The following APBA2 variants were observed in gnomAD, a reference collection of about 807,000 sequenced individuals.
APBA2 encodes the protein amyloid beta precursor protein binding family A member 2.
APBA2 carries 30 observed loss-of-function variants against 75.0 expected under a neutral mutation model. The observed-to-expected ratio is 0.40, with a 90% CI of 0.30 to 0.54. The LOEUF (loss-of-function observed/expected upper bound fraction) is 0.54. APBA2 is among the 20% of genes least tolerant of loss of function. The pLI is 0.49. For missense variants in APBA2, 801 were observed against 1,016.1 expected (o/e 0.79, Z 2.88); for synonymous variants, 444 against 409.6 (o/e 1.08, Z -1.01).
chr15:28,945,058 C>T (rs2035465723), intron 2 of APBA2, among the ~76,000 whole-genome samples: 1 of 152,224 alleles, frequency 6.6e-6, no homozygotes, highest in South Asian at 2.1e-4. Context: ...GAGCCTGATG[C>T]TTCTTCCCAG....
chr15:28,943,403 A>T (rs1178014881), intron 2 of APBA2, among the ~76,000 whole-genome samples: 5 of 152,232 alleles, frequency 3.3e-5, no homozygotes, highest in Non-Finnish European at 1.5e-5. Flanking sequence ...GGACCTGTCC[A>T]TGCCATCTCC....
intron 2 of APBA2, among the ~76,000 whole-genome samples, chr15:28,938,559 A>G (rs947071175): frequency 4.6e-5 from 7 of 152,156 alleles, no homozygotes; most frequent in Non-Finnish European, 8.8e-5. Context: ...CCCAGGCTGG[A>G]GTGCAGGGGT....
intron 8 of APBA2, among the ~76,000 whole-genome samples, chr15:29,098,110 A>G (rs899445724): frequency 7.9e-5 from 12 of 152,174 alleles, no homozygotes; most frequent in African/African-American, 2.7e-4. Flanking sequence ...TGCCGTGAGC[A>G]TGGGAGTGCA....
chr15:28,988,518 C>A (rs1435674478), intron 2 of APBA2, among the ~76,000 whole-genome samples: 1 of 152,158 alleles, frequency 6.6e-6, no homozygotes, highest in East Asian at 1.9e-4. Context: ...CCTACCTTGG[C>A]CTCCCAAAAT....
intron 2 of APBA2, among the ~76,000 whole-genome samples, chr15:28,975,468 A>G (rs2037287786): frequency 6.6e-6 from 1 of 152,186 alleles, no homozygotes; most frequent in Middle Eastern, 3.2e-3. Flanking sequence ...AAAAGATAAA[A>G]TTTTGTCGAT....
intron 4 of APBA2, among the ~76,000 whole-genome samples, chr15:29,070,023 C>G (rs1166893191): frequency 1.3e-5 from 2 of 152,190 alleles, no homozygotes; most frequent in Non-Finnish European, 2.9e-5. Context: ...GAGAATAAAG[C>G]CAGGCCAGAG....
At chr15:29,028,742 A>G (rs1034336942) in intron 3 of APBA2, among the ~76,000 whole-genome samples, 8 of 152,136 alleles carry the variant, frequency 5.3e-5, no homozygotes, top group Admixed American at 3.9e-4. Context: ...TTTGATTTGC[A>G]TTTCTCTAAT....
intron 2 of APBA2, among the ~76,000 whole-genome samples, chr15:28,955,223 C>T (rs2036103424): frequency 6.6e-6 from 1 of 152,140 alleles, no homozygotes; most frequent in South Asian, 2.1e-4. Flanking sequence ...GTTTCTTACT[C>T]TCATTAGAGG....
At chr15:29,088,934 C>G (rs1278845800) in intron 6 of APBA2, among the ~76,000 whole-genome samples, 1 of 152,200 alleles carries the variant, frequency 6.6e-6, no homozygotes, top group Non-Finnish European at 1.5e-5. Flanking sequence ...CACCTGCTCC[C>G]GCCTCAGCCT....
At chr15:28,928,994 G>A (rs74342825) in intron 2 of APBA2, among the ~76,000 whole-genome samples, 4,552 of 152,162 alleles carry the variant, frequency 0.03, 198 homozygotes, top group East Asian at 0.19. Flanking sequence ...TCAGGGGGGC[G>A]GGTTGCAAAC....
At chr15:29,101,850 AG>A (rs758044904) in intron 10 of APBA2, 66 bp downstream of exon 10, 8 of 1,547,484 alleles carry the variant, frequency 5.2e-6, no homozygotes, top group East Asian at 4.7e-5. Flanking sequence ...TCCAGGATCC[AG>A]GCGCTGTGGA....
intron 3 of APBA2, among the ~76,000 whole-genome samples, chr15:29,005,312 G>A (rs1314875154): frequency 1.3e-5 from 2 of 152,032 alleles, no homozygotes; most frequent in East Asian, 3.9e-4. Flanking sequence ...CTAGCGTGGA[G>A]TGCAGTGCTG....
intron 1 of APBA2, among the ~76,000 whole-genome samples, chr15:28,896,528 A>C (rs1243115768): frequency 2.0e-5 from 3 of 152,170 alleles, no homozygotes; most frequent in Non-Finnish European, 4.4e-5. Context: ...ATTCGCCCAC[A>C]TCGGCCTCCC....
intron 2 of APBA2, among the ~76,000 whole-genome samples, chr15:28,984,120 G>T (rs2037770647): frequency 6.6e-6 from 1 of 152,154 alleles, no homozygotes; most frequent in South Asian, 2.1e-4. Flanking sequence ...GGGATTCTGG[G>T]ATCGGGGAGG....
At chr15:29,071,264 T>C (rs1566971775) in intron 4 of APBA2, among the ~76,000 whole-genome samples, 1 of 152,110 alleles carries the variant, frequency 6.6e-6, no homozygotes, top group Admixed American at 6.5e-5. Flanking sequence ...TTTATTGGCA[T>C]TAGTGTATTT....
intron 3 of APBA2, among the ~76,000 whole-genome samples, chr15:29,030,410 C>T (rs1490850581): frequency 1.3e-5 from 2 of 151,660 alleles, no homozygotes; most frequent in South Asian, 2.1e-4. Flanking sequence ...TGCAGTGAGC[C>T]GAGATGGCCC....
chr15:29,019,953 C>T (rs549745497), intron 3 of APBA2, among the ~76,000 whole-genome samples: 321 of 152,308 alleles, frequency 2.1e-3, no homozygotes, highest in African/African-American at 7.2e-3. Flanking sequence ...CATCAGTTCC[C>T]GACATTATAA....
intron 13 of APBA2, among the ~76,000 whole-genome samples, chr15:29,109,416 G>A (rs1312129389): frequency 6.6e-6 from 1 of 152,156 alleles, no homozygotes; most frequent in Non-Finnish European, 1.5e-5. Context: ...GCTTATTCAT[G>A]CTGCAGTTTA....
intron 4 of APBA2, among the ~76,000 whole-genome samples, chr15:29,058,927 G>T (rs968214159): frequency 3.3e-5 from 5 of 152,226 alleles, no homozygotes; most frequent in Non-Finnish European, 7.3e-5. Context: ...CCCAAAACAC[G>T]CTCTTAGAGG....
Sources: allele counts gnomAD v4.1 joint callset (sites outside exome capture counted in the v4.1 genomes callset), GRCh38; gene constraint gnomAD v4.1.1; transcripts MANE v1.5; gene names NCBI Gene and HGNC (gene_info 2026-07-23, HGNC 2026-07-21).